CNN2: variants seen among roughly 807,000 people sequenced by gnomAD.
CNN2 encodes the protein calponin 2.
In CNN2, 21 loss-of-function variants were observed where a neutral mutation model predicts 31.0. The ratio of observed to expected loss-of-function variants is 0.68; its 90% CI spans 0.48 to 0.98. The LOEUF is 0.98. Among genes scored for constraint, CNN2 ranks in the 50% least tolerant of loss-of-function variants. The probability of loss-of-function intolerance (pLI) is 0.00; values close to 1 mark genes in which losing one functional copy is unlikely to be tolerated. For synonymous variants in CNN2, 165 were observed against 179.6 expected, an observed-to-expected ratio of 0.92 and a Z score of 0.65; for missense variants, 399 against 427.3, an observed-to-expected ratio of 0.93 and a Z score of 0.58.
At chr19:1,028,509 C>T (rs1034922030) in intron 1 of CNN2, among the ~76,000 whole-genome samples, 5 of 152,186 alleles carry the variant, frequency 3.3e-5, no homozygotes, top group Non-Finnish European at 7.3e-5. Flanking sequence ...CCCGCTTCCC[C>T]GTGGCTCAGT....
intron 4 of CNN2, 186 bp from the exon 5 acceptor site, chr19:1,035,944 A>C (rs543544948): frequency 6.2e-6 from 5 of 805,682 alleles, no homozygotes; most frequent in African/African-American, 1.8e-5. Flanking sequence ...AAAAAACTGA[A>C]ACAGCTGTAT....
chr19:1,026,813 C>G, intron 1 of CNN2, 89 bp downstream of exon 1: 1 of 1,306,300 alleles, frequency 7.7e-7, no homozygotes, highest in Non-Finnish European at 1.0e-6. Context: ...CCCGGCACCT[C>G]CCGGGCAGGG....
Position 1,036,485 on chromosome 19 carries a change from C to A in CNN2, c.577C>A (p.Pro193Thr), listed in dbSNP as rs760337702. 1.2e-6 allele frequency: 2 copies of A among 1,613,266 alleles called. No individual in the cohort carries two copies. ...AYGTRRHLYD[P>T]KNHILPPMDH... ...CGGCACGAGAAGGCATCTCTATGAC[C>A]CCAAGAACCATATCCTGCCCCCCAT... The change falls in exon 6 of 7, where the codon CCC (proline) becomes ACC (threonine). Residue 193 changes from proline (P) to threonine (T), a missense_variant. By Grantham distance (38) the Pro-to-Thr change is conservative (BLOSUM62 -1). Transcript: ENST00000263097.
In CNN2 at chr19:1,037,695, A is replaced by T. The variant is rs1215258651; in HGVS notation, c.725A>T (p.Asn242Ile). 1 of 1,611,242 alleles carries T rather than the reference A, an allele frequency of 6.2e-7. No individual in the cohort carries two copies. The highest frequency in any genetic ancestry group is 1.3e-5 in the African/African-American group (1 of 74,854). The change falls in exon 7 of 7, where the codon AAC (asparagine) becomes ATC (isoleucine). Residue 242 changes from asparagine (N) to isoleucine (I), a missense_variant. Coordinates refer to ENST00000263097, the MANE Select transcript of CNN2 (RefSeq NM_004368.4). ...AAGCTGGGAACCGACAAGTGTGACAACTCCTCCATGTCCCTGCAGATGGGC... is the reference window on the plus strand; with the variant it reads ...AAGCTGGGAACCGACAAGTGTGACATCTCCTCCATGTCCCTGCAGATGGGC... ...DTKLGTDKCD[N>I]SSMSLQMGYT... is the part of the protein sequence containing the mutation.
chr19:1,029,708 C>CTT (rs111505014), intron 1 of CNN2, among the ~76,000 whole-genome samples: 85 of 146,188 alleles, frequency 5.8e-4, no homozygotes, highest in African/African-American at 9.1e-4. Flanking sequence ...TCTTTTCTTT[C>CTT]TTTTTTTTTT....
intron 1 of CNN2, among the ~76,000 whole-genome samples, chr19:1,028,962 G>A (rs1288367712): frequency 6.6e-6 from 1 of 152,224 alleles, no homozygotes; most frequent in Non-Finnish European, 1.5e-5. Flanking sequence ...TTCCAGGCAG[G>A]TGCCAGGTCA....
intron 2 of CNN2, 121 bp downstream of exon 2, chr19:1,031,313 C>A: frequency 3.9e-6 from 1 of 253,360 alleles, no homozygotes; most frequent in Non-Finnish European, 5.3e-6. Context: ...CCTGTAATCC[C>A]AGCACTTTTG....
chr19:1,031,208 G>A lies in CNN2; in HGVS notation c.185+16G>A. On this transcript the variant is annotated intron_variant, in intron 2 of 6. Transcript: ENST00000263097. ...TCTTATGCACGTGAGTACACGCAGG[G>A]ACACAGGCTGTCTCACACTTAACAA... 1.3e-6 allele frequency: 2 copies of A among 1,584,384 alleles called. No homozygotes were observed. The highest frequency in any genetic ancestry group is 2.3e-5 in the South Asian group (2 of 88,624).
chr19:1,032,291 C>T (rs1270976637), intron 2 of CNN2, 101 bp from the exon 3 acceptor site: 2 of 1,452,260 alleles, frequency 1.4e-6, no homozygotes, highest in African/African-American at 1.4e-5. Flanking sequence ...GTGAGTTTGC[C>T]CAGGAAGGCG....
chr19:1,029,610 A>T (rs1339190096), intron 1 of CNN2, among the ~76,000 whole-genome samples: 2 of 152,242 alleles, frequency 1.3e-5, no homozygotes, highest in African/African-American at 4.8e-5. Flanking sequence ...GAGATGAGGA[A>T]GCGGAGGCTG....
At chr19:1,031,218 G>T in intron 2 of CNN2, 26 bp downstream of exon 2, 2 of 1,539,120 alleles carry the variant, frequency 1.3e-6, no homozygotes, top group Non-Finnish European at 1.8e-6. Context: ...GACACAGGCT[G>T]TCTCACACTT....
intron 1 of CNN2, among the ~76,000 whole-genome samples, chr19:1,030,778 G>A (rs1158290976): frequency 1.3e-5 from 2 of 152,140 alleles, no homozygotes; most frequent in African/African-American, 4.8e-5. Flanking sequence ...AGGCAGATCC[G>A]GCCAGGTTTG....
Position 1,036,838 on chromosome 19 carries a change from T to A in CNN2, c.654+276T>A, listed in dbSNP as rs561989798. The A allele has an allele frequency of 6.7e-5, 35 of 525,146 alleles. No homozygotes were observed. In the East Asian group the frequency reaches 1.3e-3, roughly 20 times the overall value. 32.5% of individuals were successfully genotyped at this position (525,146 alleles called of 1,614,324 possible). ...AAAGGTCCACCCAATTCTTTTTTTT[T>A]AATCTTTATTTATTTTATTTATGTA... On this transcript the variant is annotated intron_variant, in intron 6 of 6. Transcript: ENST00000263097.
Position 1,036,575 on chromosome 19 carries a change from C to G in CNN2, c.654+13C>G. On this transcript the variant is annotated intron_variant, in intron 6 of 6. Transcript: ENST00000263097. ...GTGTGCCAGCCAGGTGGGGCTCGCC[C>G]GGGTGCCCCCGACTCCTCTCCCTGC... is the stretch of plus-strand genomic sequence containing the variant. The G allele has an allele frequency of 6.2e-7, 1 of 1,613,554 alleles. No homozygotes were observed. Among genetic ancestry groups the G allele is most frequent in the Non-Finnish European group, 8.5e-7 (1 of 1,179,908 alleles).
At chr19:1,028,411 C>T (rs1302902483) in intron 1 of CNN2, among the ~76,000 whole-genome samples, 19 of 152,276 alleles carry the variant, frequency 1.2e-4, no homozygotes, top group South Asian at 1.0e-3. Context: ...GGAAGGGTCG[C>T]CTCCCAATTA....
At chr19:1,032,012 G>A (rs923929061) in intron 2 of CNN2, among the ~76,000 whole-genome samples, 4 of 151,894 alleles carry the variant, frequency 2.6e-5, no homozygotes, top group South Asian at 4.2e-4. Context: ...GACGGATCAC[G>A]AGGTCAGGAG....
Position 1,026,631 on chromosome 19 carries a change from G to A in CNN2, c.-31G>A. 1.3e-6 allele frequency: 2 copies of A among 1,516,852 alleles called. No individual in the cohort carries two copies. The highest frequency in any genetic ancestry group is 1.2e-5 in the South Asian group (1 of 81,470). The allele number at this position is 1,516,852 out of a possible 1,614,324, so 94.0% of individuals were successfully genotyped here. ...GCGGTCCCGTCCCGTCCCGTCCTGT[G>A]CGGCCCCGTCCCGCCGCCCGCCCGC... is the stretch of plus-strand genomic sequence containing the variant. On this transcript the variant is annotated 5_prime_UTR_variant, in exon 1 of 7. Coordinates refer to ENST00000263097, the MANE Select transcript of CNN2 (RefSeq NM_004368.4).
At chr19:1,030,348 C>A (rs910910407) in intron 1 of CNN2, among the ~76,000 whole-genome samples, 1 of 152,142 alleles carries the variant, frequency 6.6e-6, no homozygotes, top group South Asian at 2.1e-4. Flanking sequence ...GGATGGGGGC[C>A]GGGCGCGGTG....
chr19:1,027,635 A>G (rs891560299), intron 1 of CNN2, among the ~76,000 whole-genome samples: 1 of 152,122 alleles, frequency 6.6e-6, no homozygotes, highest in Admixed American at 6.5e-5. Context: ...ATTCCCAGGG[A>G]AAGTGGGGGG....
Sources: allele counts gnomAD v4.1 joint callset (sites outside exome capture counted in the v4.1 genomes callset), GRCh38; gene constraint gnomAD v4.1.1; transcripts MANE v1.5; gene names NCBI Gene and HGNC (gene_info 2026-07-23, HGNC 2026-07-21).